The following RBFOX1 variants were observed in gnomAD, a reference collection of about 807,000 sequenced individuals.
The protein encoded by RBFOX1 is RNA binding fox-1 homolog 1, also known as RNA binding protein fox-1 homolog 1.
RBFOX1 carries 8 observed loss-of-function variants against 57.7 expected under a neutral mutation model. The observed-to-expected ratio is 0.14, with a 90% CI of 0.08 to 0.25. RBFOX1 has a LOEUF of 0.25. RBFOX1 is among the 10% of genes least tolerant of loss of function. The pLI is 1.00. For missense variants in RBFOX1, 611 were observed against 548.5 expected (o/e 1.11, Z -1.14); for synonymous variants, 326 against 222.4 (o/e 1.47, Z -4.15).
intron 3 of RBFOX1, among the ~76,000 whole-genome samples, chr16:6,891,505 T>C (rs761277190): frequency 2.0e-5 from 3 of 151,970 alleles, no homozygotes; most frequent in East Asian, 1.9e-4. Flanking sequence ...GGGGAAGATA[T>C]ATCAGCTACA....
chr16:7,269,506 T>C lies in RBFOX1; in HGVS notation c.27+217408T>C, dbSNP rs555006578. On this transcript the variant is annotated intron_variant, in intron 4 of 15. Coordinates refer to ENST00000550418, the MANE Select transcript of RBFOX1 (RefSeq NM_018723.4). ...AGACAGAGGAAAAAAGCTTACAGTATTTGACTGATAGTGAATTTTTAGAAT... is the reference window on the plus strand; with the variant it reads ...AGACAGAGGAAAAAAGCTTACAGTACTTGACTGATAGTGAATTTTTAGAAT... Among the ~76,000 whole-genome samples the C allele has an allele frequency of 1.8e-3, 273 of 152,254 alleles. 1 individual carries two copies. Among genetic ancestry groups the C allele is most frequent in the African/African-American group, 6.1e-3 (255 of 41,566 alleles).
intron 1 of RBFOX1, among the ~76,000 whole-genome samples, chr16:6,142,867 C>T (rs757023665): frequency 9.2e-5 from 14 of 152,152 alleles, no homozygotes; most frequent in East Asian, 1.9e-4. Flanking sequence ...ACTCATTCTT[C>T]GGGGCTTCCT....
chr16:7,343,669 T>C (rs190195199), intron 4 of RBFOX1, among the ~76,000 whole-genome samples: 24 of 152,236 alleles, frequency 1.6e-4, no homozygotes, highest in East Asian at 7.7e-4. Context: ...ATTGAAGTAA[T>C]ATATCTTAGG....
At chr16:7,265,333 C>G (rs2095086204) in intron 4 of RBFOX1, among the ~76,000 whole-genome samples, 1 of 151,536 alleles carries the variant, frequency 6.6e-6, no homozygotes, top group East Asian at 1.9e-4. Context: ...CTTCCCTTGG[C>G]AGAGAGAAAG....
chr16:6,649,750 A>G (rs1043898875), intron 2 of RBFOX1, among the ~76,000 whole-genome samples: 4 of 152,118 alleles, frequency 2.6e-5, no homozygotes, highest in Non-Finnish European at 5.9e-5. Context: ...GAAGTATTTT[A>G]TTACATATGT....
intron 1 of RBFOX1, among the ~76,000 whole-genome samples, chr16:6,125,253 T>G (rs2096581178): frequency 6.6e-6 from 1 of 152,176 alleles, no homozygotes; most frequent in African/African-American, 2.4e-5. Flanking sequence ...GTTTTTTTCT[T>G]ATATGAAATT....
chr16:7,581,895 T>G (rs2093793618), intron 6 of RBFOX1, among the ~76,000 whole-genome samples: 1 of 152,014 alleles, frequency 6.6e-6, no homozygotes, highest in Admixed American at 6.6e-5. Flanking sequence ...GTATTTTTTT[T>G]TAATAGAGAT....
At chr16:5,931,145 T>C (rs1307769523) in intron 4 of RBFOX1, among the ~76,000 whole-genome samples, 1 of 152,178 alleles carries the variant, frequency 6.6e-6, no homozygotes, top group Non-Finnish European at 1.5e-5. Context: ...TATTCTTTTG[T>C]ATTGGCTTCA....
In RBFOX1 at chr16:6,965,767, C is replaced by G. The variant is rs151306919; in HGVS notation, c.-15-86290C>G. ...CATGTTTATTATCCTGGGGTGCTTTCTCCATAGCAAGTACTCACTTAGGTC... is the reference window on the plus strand; with the variant it reads ...CATGTTTATTATCCTGGGGTGCTTTGTCCATAGCAAGTACTCACTTAGGTC... On this transcript the variant is annotated intron_variant, in intron 3 of 15. Coordinates refer to ENST00000550418, the MANE Select transcript of RBFOX1 (RefSeq NM_018723.4). Among the ~76,000 whole-genome samples, 1,290 of 152,278 alleles carry G rather than the reference C, an allele frequency of 8.5e-3. 12 individuals carry two copies. Among genetic ancestry groups the G allele is most frequent in the Non-Finnish European group, 0.013 (914 of 68,028 alleles).
chr16:6,558,119 G>A (rs1368209572), intron 2 of RBFOX1, among the ~76,000 whole-genome samples: 1 of 152,098 alleles, frequency 6.6e-6, no homozygotes, highest in Admixed American at 6.6e-5. Context: ...CCAAATCAGT[G>A]CTTTATAAGT....
chr16:5,941,297 C>G (rs1330881657), intron 4 of RBFOX1, among the ~76,000 whole-genome samples: 1 of 151,810 alleles, frequency 6.6e-6, no homozygotes, highest in African/African-American at 2.4e-5. Flanking sequence ...CAAGACCAGC[C>G]TGGGCAACGT....
rs2089201053 is a variant in RBFOX1, at chr16:6,364,450, G to A, written c.-64+47393G>A. On this transcript the variant is annotated intron_variant, in intron 2 of 15. Coordinates refer to ENST00000550418, the MANE Select transcript of RBFOX1 (RefSeq NM_018723.4). The stretch of plus-strand genomic sequence containing the variant: ...TTTAACACCCACCTTGCCAAGAAGA[G>A]TATAACTCCAAGGAAGCTTCTTTTT... Among the ~76,000 whole-genome samples the A allele has an allele frequency of 7.9e-5, 12 of 152,268 alleles. No homozygotes were observed. In the South Asian group the frequency reaches 2.5e-3, roughly 32 times the overall value.
intron 3 of RBFOX1, among the ~76,000 whole-genome samples, chr16:7,006,790 C>T (rs1351734756): frequency 6.6e-6 from 1 of 152,160 alleles, no homozygotes; most frequent in East Asian, 1.9e-4. Context: ...CAGAAGAGAA[C>T]ACTTAGCAAA....
intron 3 of RBFOX1, among the ~76,000 whole-genome samples, chr16:6,746,098 A>C (rs1194153514): frequency 6.6e-6 from 1 of 152,206 alleles, no homozygotes; most frequent in African/African-American, 2.4e-5. Context: ...TTAAAACTAC[A>C]GAATAGCTGA....
intron 2 of RBFOX1, among the ~76,000 whole-genome samples, chr16:5,553,189 A>G (rs35478575): frequency 0.38 from 58,021 of 151,830 alleles, 11,404 homozygotes; most frequent in Non-Finnish European, 0.42. Context: ...GTGAATGATG[A>G]GTTGATGGGG....
intron 4 of RBFOX1, among the ~76,000 whole-genome samples, chr16:6,000,660 G>T (rs1262452723): frequency 2.0e-5 from 3 of 152,046 alleles, no homozygotes; most frequent in African/African-American, 4.8e-5. Context: ...AGGGTAGGTG[G>T]ATGGGTAGAT....
At chr16:5,938,395 C>A (rs550756561) in intron 4 of RBFOX1, among the ~76,000 whole-genome samples, 1 of 152,266 alleles carries the variant, frequency 6.6e-6, no homozygotes, top group African/African-American at 2.4e-5. Context: ...AGCTGAGTGA[C>A]TTAGCAAGTT....
At chr16:5,559,240 A>G (rs1467409418) in intron 2 of RBFOX1, among the ~76,000 whole-genome samples, 4 of 150,970 alleles carry the variant, frequency 2.6e-5, no homozygotes, top group African/African-American at 9.8e-5. Context: ...AGCATGGGCA[A>G]TGGCGTACCC....
chr16:6,620,010 C>T (rs2098203793), intron 2 of RBFOX1, among the ~76,000 whole-genome samples: 1 of 152,200 alleles, frequency 6.6e-6, no homozygotes, highest in Non-Finnish European at 1.5e-5. Context: ...GCCTCCACTT[C>T]CATCCATGTT....
Sources: gnomAD v4.1 joint callset for allele counts (sites outside exome capture counted in the v4.1 genomes callset) on GRCh38, gnomAD v4.1.1 for gene constraint, MANE v1.5 for transcripts, NCBI Gene and HGNC (gene_info 2026-07-23, HGNC 2026-07-21) for gene names.